Variants in CTDP1 observed in about 807,000 individuals in gnomAD.
CTDP1 encodes RNA polymerase II subunit A C-terminal domain phosphatase.
A neutral mutation model predicts 91.8 loss-of-function variants in CTDP1; 47 were observed. The observed-to-expected ratio is 0.51, with a 90% CI of 0.41 to 0.65. The LOEUF is 0.65. Among genes scored for constraint, CTDP1 ranks in the 30% least tolerant of loss-of-function variants. The probability of loss-of-function intolerance (pLI) is 0.00; values close to 1 mark genes in which losing one functional copy is unlikely to be tolerated. For missense variants in CTDP1, 1,272 were observed against 1,373.7 expected, an observed-to-expected ratio of 0.93 and a Z score of 1.17; for synonymous variants, 656 against 598.5, an observed-to-expected ratio of 1.10 and a Z score of -1.40.
At chr18:79,747,140 C>T (rs778550889) in intron 12 of CTDP1, among the ~76,000 whole-genome samples, 6 of 152,246 alleles carry the variant, frequency 3.9e-5, no homozygotes, top group South Asian at 2.1e-4. Context: ...TACCAATACA[C>T]GAAGCAGCAA....
chr18:79,728,996 G>C lies in CTDP1; in HGVS notation c.2507G>C (p.Arg836Pro). The change falls in exon 11 of 13, where the codon CGA becomes CCA. Residue 836 changes from arginine to proline, a missense_variant. Physicochemically the swap from Arg to Pro is moderately radical, Grantham distance 103 (BLOSUM62 -2). Coordinates refer to ENST00000613122, the MANE Select transcript of CTDP1 (RefSeq NM_004715.5). ...CAGCCTGGCCCTTCTAGAAGAAAGC[G>C]ACAGCCCAGTATGTCTGAGACAATG... ...GEQPGPSRRK[R>P]QPSMSETMPL... 6.2e-7 allele frequency: 1 copy of C among 1,614,152 alleles called. No homozygotes were observed. The highest frequency in any genetic ancestry group is 1.1e-5 in the South Asian group (1 of 91,078).
At chr18:79,683,076 T>TGG (rs1466024097) in intron 1 of CTDP1, 2 of 152,232 alleles carry the variant, frequency 1.3e-5, no homozygotes, top group African/African-American at 4.8e-5. Context: ...TCCCACCACT[T>TGG]GGAGGCTGGA....
chr18:79,692,694 C>G (rs988437566), intron 1 of CTDP1, among the ~76,000 whole-genome samples: 1 of 151,934 alleles, frequency 6.6e-6, no homozygotes, highest in Non-Finnish European at 1.5e-5. Flanking sequence ...AGGAGCCCGC[C>G]GTGAGCTGGT....
intron 10 of CTDP1, among the ~76,000 whole-genome samples, chr18:79,724,677 A>G (rs2086410000): frequency 6.6e-6 from 1 of 152,068 alleles, no homozygotes. Flanking sequence ...AAAGTTATTA[A>G]TTTTCACGAG....
intron 11 of CTDP1, chr18:79,735,560 G>C (rs2086650585): frequency 6.6e-6 from 1 of 152,512 alleles, no homozygotes; most frequent in Non-Finnish European, 1.5e-5. Flanking sequence ...AGTTCTTTCT[G>C]TGCGTCCTTC....
chr18:79,735,543 G>A (rs2086650289), intron 11 of CTDP1: 2 of 152,544 alleles, frequency 1.3e-5, no homozygotes, highest in Admixed American at 1.3e-4. Flanking sequence ...CCTCGCTCCT[G>A]GGTGTAAGTT....
In CTDP1 at chr18:79,714,654, C is replaced by T. The variant is rs372982303; in HGVS notation, c.1194C>T (p.Pro398=). The stretch of plus-strand genomic sequence containing the variant: ...CCACCCCGCGGGACTCACCCCGCCC[C>T]GGGAAGCCAGACGAGAGGGACATCT... ...EAATPRDSPR[P]GKPDERDIWP... Residue 398 remains proline, a synonymous_variant, in exon 8 of 13, where the codon CCC becomes CCT. Transcript: ENST00000613122. 1,503 of 1,612,052 alleles carry T rather than the reference C, an allele frequency of 9.3e-4. 1 individual carries two copies. Among genetic ancestry groups the T allele is most frequent in the Non-Finnish European group, 1.2e-3 (1,386 of 1,179,592 alleles).
In CTDP1 at chr18:79,715,469, G is replaced by A. The variant is rs752664929; in HGVS notation, c.2009G>A (p.Arg670Gln). The change falls in exon 8 of 13, where the codon CGG (arginine) becomes CAG (glutamine). Residue 670 changes from arginine to glutamine, a missense_variant. Coordinates refer to ENST00000613122, the MANE Select transcript of CTDP1 (RefSeq NM_004715.5). ...ATALGAKILTRLVLSPDAPDR... is the reference protein window; with the variant it reads ...ATALGAKILTQLVLSPDAPDR... ...GCGCTGGGAGCGAAGATCCTCACTC[G>A]GCTGGTGCTGAGCCCCGACGCCCCT... The A allele has an allele frequency of 1.6e-5, 25 of 1,583,616 alleles. No homozygotes were observed. Among genetic ancestry groups the A allele is most frequent in the Admixed American group, 7.1e-5 (4 of 56,052 alleles).
Position 79,713,285 on chromosome 18 carries a change from A to G in CTDP1, c.1030+147A>G. On this transcript the variant is annotated intron_variant, in intron 7 of 12. Transcript: ENST00000613122. This position sits in a 1 kb window ranked among gnomAD's most constrained non-coding sequence, Gnocchi z 4.7. ...TCAGTAGAGATTATTGGATTTATTT[A>G]TAGAGTACTGAAAAACAGGATATTA... 1 of 966,546 alleles carries G rather than the reference A, an allele frequency of 1.0e-6. No homozygotes were observed. Among genetic ancestry groups the G allele is most frequent in the East Asian group, 2.6e-5 (1 of 38,058 alleles). The allele number at this position is 966,546 out of a possible 1,614,324, so 59.9% of individuals were successfully genotyped here. A position where few individuals can be genotyped will look rare whatever the true frequency, so the allele number is the denominator to read the frequency against.
At chr18:79,701,132 T>A (rs1432368780) in intron 4 of CTDP1, among the ~76,000 whole-genome samples, 1 of 152,194 alleles carries the variant, frequency 6.6e-6, no homozygotes, top group East Asian at 1.9e-4. Context: ...GAGAGGAATG[T>A]TGTTTTCATG....
chr18:79,697,439 G>A (rs541741853), intron 3 of CTDP1, among the ~76,000 whole-genome samples: 51 of 152,242 alleles, frequency 3.3e-4, no homozygotes, highest in Non-Finnish European at 6.8e-4. Context: ...GCTGAGCGTG[G>A]AAGGTTCTGA....
intron 5 of CTDP1, 63 bp downstream of exon 5, chr18:79,704,980 T>C (rs2085938288): frequency 1.9e-6 from 3 of 1,605,076 alleles, no homozygotes; most frequent in Admixed American, 3.3e-5. Context: ...TTTTCGGTGA[T>C]GGTTTCTTAA....
chr18:79,690,767 T>C (rs1232109511), intron 1 of CTDP1, among the ~76,000 whole-genome samples: 1 of 152,188 alleles, frequency 6.6e-6, no homozygotes, highest in African/African-American at 2.4e-5. Context: ...CCTCCAGGTG[T>C]GATATCCAGG....
rs532116983 is a variant in CTDP1, at chr18:79,710,267, AC to A, written c.773-78del. On this transcript the variant is annotated intron_variant, in intron 5 of 12. Coordinates refer to ENST00000613122, the MANE Select transcript of CTDP1 (RefSeq NM_004715.5). ...TTGTGTGTCTGCCACTTTAAAAAAA[AC>A]ATTCAAGGCTTCACCATGTGCCGTG... 7.1e-5 allele frequency: 81 copies of A among 1,147,302 alleles called. No individual in the cohort carries two copies. The South Asian group carries it at 8.5e-4, about 12-fold the overall frequency. The allele number at this position is 1,147,302 out of a possible 1,614,324, so 71.1% of individuals were successfully genotyped here.
chr18:79,751,839 TC>T (rs2087009515), intron 12 of CTDP1, among the ~76,000 whole-genome samples: 1 of 152,230 alleles, frequency 6.6e-6, no homozygotes, highest in South Asian at 2.1e-4. Flanking sequence ...CTACATTGTA[TC>T]TACGTTAGCT....
chr18:79,692,210 ACACAC>A (rs1488438912), intron 1 of CTDP1, among the ~76,000 whole-genome samples: 2 of 152,124 alleles, frequency 1.3e-5, no homozygotes, highest in East Asian at 3.9e-4. Context: ...CCTTTGCAGA[ACACAC>A]TCTGCAGGCG....
intron 10 of CTDP1, among the ~76,000 whole-genome samples, chr18:79,726,599 T>G (rs2086447273): frequency 1.3e-5 from 1 of 75,038 alleles, no homozygotes; most frequent in South Asian, 5.2e-4. Context: ...CTCCCATCAC[T>G]GATTTTTTTT....
chr18:79,716,834 C>G (rs1429384601), intron 8 of CTDP1, among the ~76,000 whole-genome samples: 3 of 152,262 alleles, frequency 2.0e-5, no homozygotes, highest in African/African-American at 7.2e-5. Flanking sequence ...TGAACACATG[C>G]TAAGAGAGGT....
intron 5 of CTDP1, among the ~76,000 whole-genome samples, chr18:79,709,731 C>T (rs569136926): frequency 6.6e-6 from 1 of 152,280 alleles, no homozygotes; most frequent in African/African-American, 2.4e-5. Flanking sequence ...CTCGATGTTG[C>T]CTAAATTACC....
Sources: gnomAD v4.1 joint callset for allele counts (sites outside exome capture counted in the v4.1 genomes callset) on GRCh38, gnomAD v4.1.1 for gene constraint, Gnocchi (gnomAD v3.1) non-coding constraint, MANE v1.5 for transcripts, NCBI Gene and HGNC (gene_info 2026-07-23, HGNC 2026-07-21) for gene names.